The following CASP5 variants were observed in gnomAD, a reference collection of about 807,000 sequenced individuals.
CASP5 encodes the protein caspase 5.
In CASP5, 42 loss-of-function variants were observed where a neutral mutation model predicts 45.2. The observed-to-expected ratio is 0.93, with a 90% confidence interval of 0.73 to 1.20. The LOEUF is 1.20. Among genes scored for constraint, CASP5 ranks in the 50% most tolerant of loss-of-function variants. The pLI is 0.00. For synonymous variants in CASP5, 209 were observed against 186.2 expected (o/e 1.12, Z -1.00); for missense variants, 512 against 532.2 (o/e 0.96, Z 0.37).
chr11:105,009,712 TATACACAC>T (rs1278967164), intron 1 of CASP5, among the ~76,000 whole-genome samples: 3,320 of 61,212 alleles, frequency 0.054, 206 homozygotes, highest in African/African-American at 0.17. Flanking sequence ...GAGATATATA[TATACACAC>T]ATATATATAT....
chr11:105,015,660 T>C (rs1335398496), intron 1 of CASP5, among the ~76,000 whole-genome samples: 2 of 151,832 alleles, frequency 1.3e-5, no homozygotes, highest in African/African-American at 2.4e-5. Context: ...CTACGACCAG[T>C]AAAGTCAGCC....
At chr11:105,015,672 G>A (rs1047384321) in intron 1 of CASP5, among the ~76,000 whole-genome samples, 1 of 151,738 alleles carries the variant, frequency 6.6e-6, no homozygotes, top group Non-Finnish European at 1.5e-5. Context: ...AAGTCAGCCT[G>A]CCCGGCCAAA....
chr11:105,020,304 C>T (rs1381512795), intron 1 of CASP5, among the ~76,000 whole-genome samples: 1 of 151,856 alleles, frequency 6.6e-6, no homozygotes, highest in African/African-American at 2.4e-5. Flanking sequence ...AAGTTCTGGC[C>T]AGGGCGATCA....
At chr11:104,999,361 A>T (rs886774750) in intron 6 of CASP5, among the ~76,000 whole-genome samples, 2 of 152,142 alleles carry the variant, frequency 1.3e-5, no homozygotes, top group Non-Finnish European at 2.9e-5. Flanking sequence ...AGCTTCATTC[A>T]TGTCCCTGCA....
chr11:105,016,649 G>A (rs1367855597), intron 1 of CASP5, among the ~76,000 whole-genome samples: 2 of 152,240 alleles, frequency 1.3e-5, no homozygotes, highest in Admixed American at 6.5e-5. Context: ...TGGCTCGGAG[G>A]GTCCTACGCC....
chr11:105,009,003 T>C (rs778433611), intron 1 of CASP5, 23 bp from the exon 2 acceptor site: 4 of 1,609,332 alleles, frequency 2.5e-6, no homozygotes, highest in Non-Finnish European at 3.4e-6. Flanking sequence ...TAAAGACTCC[T>C]TCAACTCTGG....
chr11:105,006,994 A>AGG, intron 3 of CASP5, 89 bp downstream of exon 3: 1 of 1,054,852 alleles, frequency 9.5e-7, no homozygotes, highest in South Asian at 1.5e-5. Flanking sequence ...ATGAAACTGT[A>AGG]GGTAGATCAC....
intron 1 of CASP5, among the ~76,000 whole-genome samples, chr11:105,012,108 A>C (rs1183041403): frequency 1.3e-5 from 2 of 151,892 alleles, no homozygotes; most frequent in Non-Finnish European, 2.9e-5. Flanking sequence ...GGAATAAAAC[A>C]AAAAGGCCAG....
chr11:105,005,943 G>A (rs1249605538), intron 3 of CASP5, among the ~76,000 whole-genome samples: 1 of 151,886 alleles, frequency 6.6e-6, no homozygotes. Flanking sequence ...CTAGCATGTG[G>A]TTTCTGTTGA....
chr11:105,013,768 A>T (rs184252259), intron 1 of CASP5, among the ~76,000 whole-genome samples: 1 of 152,062 alleles, frequency 6.6e-6, no homozygotes, highest in African/African-American at 2.4e-5. Context: ...TTTAAAATTG[A>T]ACTGCTAATT....
chr11:105,003,565 A>G (rs914936469), intron 3 of CASP5, among the ~76,000 whole-genome samples, 182 bp from the exon 4 acceptor site: 5 of 152,050 alleles, frequency 3.3e-5, no homozygotes, highest in Non-Finnish European at 5.9e-5. Context: ...TGATAGAGAA[A>G]GCAGACTCCC....
intron 1 of CASP5, among the ~76,000 whole-genome samples, chr11:105,017,844 C>T (rs1591178439): frequency 6.6e-6 from 1 of 151,494 alleles, no homozygotes; most frequent in African/African-American, 2.4e-5. Flanking sequence ...AACTCCAAGA[C>T]ACATAATTGT....
chr11:104,995,482 TTAA>T (rs1431810958), intron 9 of CASP5, among the ~76,000 whole-genome samples: 10 of 152,204 alleles, frequency 6.6e-5, no homozygotes, highest in African/African-American at 2.2e-4. Context: ...CATTATTATT[TTAA>T]TAATTACTAA....
intron 1 of CASP5, among the ~76,000 whole-genome samples, chr11:105,022,311 A>G (rs1260135306): frequency 6.6e-6 from 1 of 151,952 alleles, no homozygotes; most frequent in Non-Finnish European, 1.5e-5. Context: ...AAAGTATAAT[A>G]ATAATAAATA....
intron 1 of CASP5, among the ~76,000 whole-genome samples, chr11:105,009,770 C>CGT (rs1565388149): frequency 4.7e-5 from 2 of 42,964 alleles, no homozygotes; most frequent in Admixed American, 2.3e-4. Context: ...CACACACACA[C>CGT]GTATATATAT....
chr11:105,009,810 C>CACACATATATATAT lies in CASP5; in HGVS notation c.8-844_8-831dup, dbSNP rs1197714665. Reference sequence around the variant, plus strand: ...ATACACACGTATATATATATATACACACACATATATATATACACATATATA... The same window carrying CACACATATATATAT: ...ATACACACGTATATATATATATACACACACATATATATATACACATATATATATACACATATATA... On this transcript the variant is annotated intron_variant, in intron 1 of 9. Transcript: ENST00000260315. 6.1e-4 allele frequency among the ~76,000 whole-genome samples: 60 copies of CACACATATATATAT among 98,428 alleles called. 1 individual carries two copies. Among genetic ancestry groups the CACACATATATATAT allele is most frequent in the Non-Finnish European group, 1.1e-3 (56 of 51,712 alleles). The allele number at this position is 98,428 out of a possible 152,430, so 64.6% of individuals were successfully genotyped here.
intron 1 of CASP5, among the ~76,000 whole-genome samples, chr11:105,015,752 C>CAAAAA (rs34623702): frequency 7.3e-6 from 1 of 136,964 alleles, no homozygotes; most frequent in Non-Finnish European, 1.6e-5. Context: ...ATAAAATAGA[C>CAAAAA]AAAAAAAAAA....
rs778085364 is a variant in CASP5, at chr11:104,995,833, A to T, written c.1216T>A (p.Ser406Thr). ...LMEIFRKVQKSFEVPQAKAQM... is the reference protein window; with the variant it reads ...LMEIFRKVQKTFEVPQAKAQM... Reference sequence around the variant, plus strand: ...GCTTTAGCCTGTGGAACTTCAAATGATTTCTGTACCTAAAAGAAAAAACAG... The same window carrying T: ...GCTTTAGCCTGTGGAACTTCAAATGTTTTCTGTACCTAAAAGAAAAAACAG... Residue 406 changes from serine to threonine, a missense_variant, in exon 9 of 10, where the codon TCA becomes ACA. Physicochemically the swap from Ser to Thr is moderately conservative, Grantham distance 58 (BLOSUM62 1). Coordinates refer to ENST00000260315, the MANE Select transcript of CASP5 (RefSeq NM_004347.5). The T allele has an allele frequency of 9.3e-6, 15 of 1,609,174 alleles. No individual in the cohort carries two copies. Among genetic ancestry groups the T allele is most frequent in the Non-Finnish European group, 1.2e-5 (14 of 1,176,006 alleles).
intron 8 of CASP5, 71 bp from the exon 9 acceptor site, chr11:104,995,913 A>G: frequency 1.0e-6 from 1 of 954,318 alleles, no homozygotes; most frequent in South Asian, 1.4e-5. Flanking sequence ...ACCATGAACC[A>G]GGAAATGCCT....
Sources: allele counts gnomAD v4.1 joint callset (sites outside exome capture counted in the v4.1 genomes callset), GRCh38; gene constraint gnomAD v4.1.1; transcripts MANE v1.5; gene names NCBI Gene and HGNC (gene_info 2026-07-23, HGNC 2026-07-21).